The following MPRIP variants were observed in gnomAD, a reference collection of about 807,000 sequenced individuals.
MPRIP encodes the protein myosin phosphatase Rho interacting protein, also known as myosin phosphatase Rho-interacting protein.
MPRIP carries 59 observed loss-of-function variants against 234.9 expected under a neutral mutation model. That is an observed-to-expected ratio of 0.25 (90% CI 0.20 to 0.31). The LOEUF (loss-of-function observed/expected upper bound fraction) is 0.31. MPRIP is among the 10% of genes least tolerant of loss of function. The pLI is 1.00. For synonymous variants in MPRIP, 1,144 were observed against 1,263.9 expected (o/e 0.91, Z 2.01); for missense variants, 2,436 against 3,071.0 (o/e 0.79, Z 4.89).
intron 3 of MPRIP, among the ~76,000 whole-genome samples, chr17:17,082,485 G>A (rs927003944): frequency 4.6e-5 from 7 of 151,684 alleles, no homozygotes; most frequent in Non-Finnish European, 1.0e-4. Context: ...AGTAGAGATG[G>A]GGTTTCTTCA....
chr17:17,101,634 A>G (rs1464443734), intron 3 of MPRIP, among the ~76,000 whole-genome samples: 2 of 152,192 alleles, frequency 1.3e-5, no homozygotes, highest in Non-Finnish European at 2.9e-5. Flanking sequence ...TCAAAGAAAA[A>G]CCTTCAGCAA....
chr17:17,067,789 CCTTTT>C (rs2089081238), intron 1 of MPRIP, among the ~76,000 whole-genome samples: 1 of 88,068 alleles, frequency 1.1e-5, no homozygotes, highest in African/African-American at 4.7e-5. Context: ...TCTTCTTCTT[CCTTTT>C]TTTTTTTTTT....
At chr17:17,144,140 G>C (rs1185664326) in intron 9 of MPRIP, among the ~76,000 whole-genome samples, 1 of 152,226 alleles carries the variant, frequency 6.6e-6, no homozygotes, top group African/African-American at 2.4e-5. Context: ...GGTGCGGAAG[G>C]AGTGGTCAGG....
chr17:17,101,587 A>AAAC (rs566946659), intron 3 of MPRIP, among the ~76,000 whole-genome samples: 1 of 148,070 alleles, frequency 6.8e-6, no homozygotes, highest in Admixed American at 6.8e-5. Context: ...AATTTTTTTT[A>AAAC]AACAACAACA....
At chr17:17,155,740 G>C (rs961299804) in intron 13 of MPRIP, among the ~76,000 whole-genome samples, 3 of 152,242 alleles carry the variant, frequency 2.0e-5, no homozygotes, top group Admixed American at 1.3e-4. Context: ...GTTGCCCTCT[G>C]TCTCTCAGGA....
At chr17:17,132,424 G>A (rs1454118785) in intron 5 of MPRIP, among the ~76,000 whole-genome samples, 1 of 152,214 alleles carries the variant, frequency 6.6e-6, no homozygotes, top group African/African-American at 2.4e-5. Context: ...ACCTATTATA[G>A]GTTCTCAGTA....
intron 19 of MPRIP, 121 bp downstream of exon 19, chr17:17,174,196 G>T: frequency 8.0e-7 from 1 of 1,248,080 alleles, no homozygotes. Flanking sequence ...TGGCATGAAG[G>T]TCCCTGAACC....
In MPRIP at chr17:17,164,652, A is replaced by G; in HGVS notation, c.3061A>G (p.Asn1021Asp). The G allele has an allele frequency of 2.4e-6, 3 of 1,234,910 alleles. No individual in the cohort carries two copies. Among genetic ancestry groups the G allele is most frequent in the Non-Finnish European group, 3.1e-6 (3 of 958,792 alleles). The allele number at this position is 1,234,910 out of a possible 1,614,324, so 76.5% of individuals were successfully genotyped here. A position where few individuals can be genotyped will look rare whatever the true frequency, so the allele number is the denominator to read the frequency against. Reference sequence around the variant, plus strand: ...GCTGATGGAGGAGAAGCTGCAGAGAAACTATGAGCTGCTGCTGGAGAGCTG... The same window carrying G: ...GCTGATGGAGGAGAAGCTGCAGAGAGACTATGAGCTGCTGCTGGAGAGCTG... Reference protein sequence around the residue: ...QRLMEEKLQRNYELLLESCEK... With the variant: ...QRLMEEKLQRDYELLLESCEK... The change falls in exon 16 of 24, where the codon AAC becomes GAC. Residue 1021 changes from asparagine to aspartate, a missense_variant. Physicochemically the swap from Asn to Asp is conservative, Grantham distance 23. Coordinates refer to ENST00000651222, the MANE Select transcript of MPRIP (RefSeq NM_001364716.4).
rs771022204 is a variant in MPRIP, at chr17:17,177,250, G to A, written c.6958G>A (p.Asp2320Asn). The A allele has an allele frequency of 2.5e-6, 4 of 1,611,970 alleles. No homozygotes were observed. Among genetic ancestry groups the A allele is most frequent in the East Asian group, 2.2e-5 (1 of 44,836 alleles). Residue 2320 changes from aspartate to asparagine, a missense_variant and splice_region_variant, in exon 22 of 24, where the codon GAC becomes AAC. Asp to Asn is a conservative substitution (Grantham distance 23, BLOSUM62 1). Coordinates refer to ENST00000651222, the MANE Select transcript of MPRIP (RefSeq NM_001364716.4). The part of the protein sequence containing the change: ...LKDELQTALR[D>N]KKYASDKYKD... ...CATTCTCTGTCATTTCACTCCCAAG[G>A]ACAAGAAGTACGCAAGTGACAAGTA...
chr17:17,095,507 C>T (rs749924399), intron 3 of MPRIP, among the ~76,000 whole-genome samples: 2 of 152,150 alleles, frequency 1.3e-5, no homozygotes, highest in Non-Finnish European at 2.9e-5. Flanking sequence ...GGAATTCTCT[C>T]ATCTCCAATC....
intron 3 of MPRIP, among the ~76,000 whole-genome samples, chr17:17,118,291 A>G (rs115788837): frequency 1.0e-4 from 16 of 152,382 alleles, no homozygotes; most frequent in African/African-American, 3.8e-4. Flanking sequence ...GACCACCCCA[A>G]AAGCCATCGG....
At chr17:17,155,718 T>G (rs1484876710) in intron 13 of MPRIP, among the ~76,000 whole-genome samples, 1 of 152,270 alleles carries the variant, frequency 6.6e-6, no homozygotes, top group Non-Finnish European at 1.5e-5. Context: ...CAAGAGGCCG[T>G]GACCGGGACA....
rs377168356 is a variant in MPRIP, at chr17:17,131,695, A to G, written c.498A>G (p.Thr166=). 85 of 1,613,974 alleles carry G rather than the reference A, an allele frequency of 5.3e-5. No individual in the cohort carries two copies. The highest frequency in any genetic ancestry group is 8.0e-5 in the African/African-American group (6 of 74,932). The change falls in exon 5 of 24, where the codon ACA becomes ACG. Residue 166 remains threonine (T), a synonymous_variant. Transcript: ENST00000651222. ...AGAAACGGAAAGTGGAGCCCCCCAC[A>G]CCACAGGTAGGCAGTGGGTTTGCCA... ...QKKKRKVEPP[T]PQEPGPAKVA...
Position 17,137,905 on chromosome 17 carries a change from G to A in MPRIP, c.737-11G>A, listed in dbSNP as rs748348750. On this transcript the variant is annotated splice_polypyrimidine_tract_variant and intron_variant, in intron 6 of 23. Coordinates refer to ENST00000651222, the MANE Select transcript of MPRIP (RefSeq NM_001364716.4). ...CTGAGTGCGTCTCCTCCCTCCCACTGTCTCTTCCAGAGGAGAGCGCCATGA... is the reference window on the plus strand; with the variant it reads ...CTGAGTGCGTCTCCTCCCTCCCACTATCTCTTCCAGAGGAGAGCGCCATGA... 18 of 1,573,606 alleles carry A rather than the reference G, an allele frequency of 1.1e-5. No homozygotes were observed. The East Asian group carries it at 3.3e-4, about 29-fold the overall frequency.
Position 17,164,830 on chromosome 17 carries a change from A to G in MPRIP, c.3239A>G (p.His1080Arg). ...ACTTTCGAGGGCAGTGAGCAGGTGC[A>G]CCAGCTGGAGGAGCAGCTGGAGGCA... Reference protein sequence around the residue: ...SATFEGSEQVHQLEEQLEARE... With the variant: ...SATFEGSEQVRQLEEQLEARE... The change falls in exon 16 of 24, where the codon CAC becomes CGC. Residue 1080 changes from histidine (H) to arginine (R), a missense_variant. This residue lies in a region of MPRIP where 1,998 missense variants were observed against 2,520.3 expected (regional missense o/e 0.79). Coordinates refer to ENST00000651222, the MANE Select transcript of MPRIP (RefSeq NM_001364716.4). 1 of 1,304,206 alleles carries G rather than the reference A, an allele frequency of 7.7e-7. No individual in the cohort carries two copies. The highest frequency in any genetic ancestry group is 1.0e-6 in the Non-Finnish European group (1 of 988,952). The allele number at this position is 1,304,206 out of a possible 1,614,324, so 80.8% of individuals were successfully genotyped here.
intron 13 of MPRIP, among the ~76,000 whole-genome samples, chr17:17,157,089 C>T (rs778965400): frequency 6.6e-6 from 1 of 152,208 alleles, no homozygotes; most frequent in African/African-American, 2.4e-5. Flanking sequence ...CAGTCAGCCT[C>T]GGACCAGCTG....
At chr17:17,060,193 C>G (rs923009996) in intron 1 of MPRIP, among the ~76,000 whole-genome samples, 28 of 152,304 alleles carry the variant, frequency 1.8e-4, no homozygotes, top group African/African-American at 5.8e-4. Context: ...CTGTAGGGCT[C>G]TTCCTTCCAT....
chr17:17,059,195 C>G (rs1435065484), intron 1 of MPRIP, among the ~76,000 whole-genome samples: 1 of 152,172 alleles, frequency 6.6e-6, no homozygotes, highest in African/African-American at 2.4e-5. Flanking sequence ...TAACTCTTTG[C>G]AGAGCTCTTT....
chr17:17,173,980 C>G lies in MPRIP; in HGVS notation c.6655C>G (p.Leu2219Val). 1 of 1,613,768 alleles carries G rather than the reference C, an allele frequency of 6.2e-7. No homozygotes were observed. The highest frequency in any genetic ancestry group is 1.7e-5 in the Admixed American group (1 of 60,026). The change falls in exon 19 of 24, where the codon CTG (leucine) becomes GTG (valine). Residue 2219 changes from leucine to valine, a missense_variant. Physicochemically the swap from Leu to Val is conservative, Grantham distance 32. Transcript: ENST00000651222. ...VLSEQYSQKC[L>V]ENAHLAQALE... ...CTCGGAGCAGTACTCGCAGAAGTGC[C>G]TGGAGAATGCCCATCTGGCCCAGGC...
Sources: gnomAD v4.1 joint callset for allele counts (sites outside exome capture counted in the v4.1 genomes callset) on GRCh38, gnomAD v4.1.1 for gene constraint, gnomAD v4.1.1 regional missense constraint, MANE v1.5 for transcripts, NCBI Gene and HGNC (gene_info 2026-07-23, HGNC 2026-07-21) for gene names.